The following ASPRV1 variants were observed in gnomAD, a reference collection of about 807,000 sequenced individuals.
ASPRV1 encodes retroviral-like aspartic protease 1.
A neutral mutation model predicts 11.0 loss-of-function variants in ASPRV1; 7 were observed. That is an observed-to-expected ratio of 0.64 (90% confidence interval 0.36 to 1.20). ASPRV1 has a LOEUF of 1.20. Among genes scored for constraint, ASPRV1 ranks in the 50% most tolerant of loss-of-function variants. The pLI is 0.02. For missense variants in ASPRV1, 299 were observed against 320.0 expected, an observed-to-expected ratio of 0.93 and a Z score of 0.50; for synonymous variants, 136 against 138.4, an observed-to-expected ratio of 0.98 and a Z score of 0.12.
the ASPRV1 span, among the ~76,000 whole-genome samples, chr2:69,972,664 C>T: frequency 6.6e-6 from 1 of 152,046 alleles, no homozygotes; most frequent in South Asian, 2.1e-4. Context: ...GCCTGCCGTC[C>T]TCTCGGTTTT....
chr2:70,036,703 T>C, the ASPRV1 span, among the ~76,000 whole-genome samples: 1 of 152,212 alleles, frequency 6.6e-6, no homozygotes, highest in Non-Finnish European at 1.5e-5. Context: ...GGACTCACTC[T>C]GTCACCCAGG....
rs150248741 is a variant in ASPRV1, at chr2:69,961,425, G to A, written c.12C>T (p.Ser4=). The A allele has an allele frequency of 3.5e-5, 57 of 1,614,036 alleles. No homozygotes were observed. The highest frequency in any genetic ancestry group is 1.6e-4 in the East Asian group (7 of 44,882). MAG[S]GARSEEGRRQ... ...GGCGGCCTTCCTCACTCCTGGCTCC[G>A]CTCCCGGCCATCCTGCTGCTCTCCT... The change falls in exon 1 of 1, where the codon AGC becomes AGT. Residue 4 remains serine, a synonymous_variant. Coordinates refer to ENST00000320256, the MANE Select transcript of ASPRV1 (RefSeq NM_152792.4).
chr2:69,935,801 A>G, the ASPRV1 span, among the ~76,000 whole-genome samples: 3 of 152,074 alleles, frequency 2.0e-5, no homozygotes, highest in Non-Finnish European at 2.9e-5. Flanking sequence ...CCCACTGTCT[A>G]CTGCAATAAA....
chr2:70,005,750 C>T, the ASPRV1 span, among the ~76,000 whole-genome samples: 15 of 152,304 alleles, frequency 9.8e-5, no homozygotes, highest in African/African-American at 3.6e-4. Flanking sequence ...CAATCTATCC[C>T]ACTACCCACC....
the ASPRV1 span, among the ~76,000 whole-genome samples, chr2:70,069,938 C>T: frequency 6.6e-6 from 1 of 152,056 alleles, no homozygotes; most frequent in Admixed American, 6.6e-5. Flanking sequence ...GTCTAAAAGG[C>T]TCATCAAGTG....
the ASPRV1 span, among the ~76,000 whole-genome samples, chr2:70,079,951 TTGTC>T: frequency 6.6e-6 from 1 of 152,194 alleles, no homozygotes; most frequent in Non-Finnish European, 1.5e-5. Flanking sequence ...AACAAATGCT[TTGTC>T]TGGTTGAAGT....
At chr2:70,057,139 T>C in the ASPRV1 span, among the ~76,000 whole-genome samples, 8 of 151,772 alleles carry the variant, frequency 5.3e-5, no homozygotes, top group Non-Finnish European at 1.0e-4. Flanking sequence ...TGGTGGCTCA[T>C]GCCTGTAATC....
chr2:69,955,290 G>A (rs935460535), downstream of ASPRV1, among the ~76,000 whole-genome samples: 2 of 152,202 alleles, frequency 1.3e-5, no homozygotes, highest in South Asian at 2.1e-4. Context: ...ATGGCCTTCA[G>A]TCTATGACTC....
chr2:69,936,292 G>A, the ASPRV1 span, among the ~76,000 whole-genome samples: 2 of 152,066 alleles, frequency 1.3e-5, no homozygotes, highest in Non-Finnish European at 2.9e-5. Flanking sequence ...AGTGGTTTGT[G>A]TGACCATTGT....
the ASPRV1 span, among the ~76,000 whole-genome samples, chr2:70,075,881 G>T: frequency 6.6e-6 from 1 of 152,056 alleles, no homozygotes; most frequent in South Asian, 2.1e-4. Context: ...TTCTCAATGT[G>T]TATGCTGTTC....
chr2:69,996,693 TAACTGGTTGATGTC>T, the ASPRV1 span: 3 of 456,506 alleles, frequency 6.6e-6, no homozygotes, highest in Admixed American at 4.7e-5. Context: ...TACCAAATAG[TAACTGGTTGATGTC>T]AAGGGTCCAA....
chr2:69,977,418 C>CCCCACCATTCTGTAAGTTGTGTA, the ASPRV1 span, among the ~76,000 whole-genome samples: 2 of 152,162 alleles, frequency 1.3e-5, no homozygotes, highest in African/African-American at 4.8e-5. Flanking sequence ...TTCCTGCTTC[C>CCCCACCATTCTGTAAGTTGTGTA]CCCACCATTC....
At chr2:69,943,313 T>G in the ASPRV1 span, among the ~76,000 whole-genome samples, 1 of 152,336 alleles carries the variant, frequency 6.6e-6, no homozygotes, top group East Asian at 1.9e-4. Flanking sequence ...GGGAAAGATA[T>G]GCACACAATT....
the ASPRV1 span, among the ~76,000 whole-genome samples, chr2:69,934,089 G>A: frequency 6.6e-6 from 1 of 152,202 alleles, no homozygotes. Context: ...GTGTGTTTGA[G>A]GCACGGTGAC....
At chr2:70,022,057 C>G in the ASPRV1 span, among the ~76,000 whole-genome samples, 1 of 151,198 alleles carries the variant, frequency 6.6e-6, no homozygotes, top group African/African-American at 2.4e-5. Context: ...CTCTGTCACC[C>G]AAGCTGGAGT....
chr2:69,935,412 T>C, the ASPRV1 span: 1 of 1,614,138 alleles, frequency 6.2e-7, no homozygotes, highest in Non-Finnish European at 8.5e-7. Context: ...TGGACCCGAA[T>C]CAAGTCGACA....
the ASPRV1 span, among the ~76,000 whole-genome samples, chr2:70,004,262 T>C: frequency 6.6e-6 from 1 of 152,106 alleles, no homozygotes; most frequent in Non-Finnish European, 1.5e-5. Flanking sequence ...CCAGGCGCGG[T>C]GGCTCATGCC....
the ASPRV1 span, among the ~76,000 whole-genome samples, chr2:70,037,733 CT>C: frequency 6.6e-6 from 1 of 151,586 alleles, no homozygotes; most frequent in South Asian, 2.1e-4. Context: ...TATGCTGTTA[CT>C]TTTTTTTAGC....
chr2:70,042,513 CAA>C, the ASPRV1 span, among the ~76,000 whole-genome samples: 3 of 152,140 alleles, frequency 2.0e-5, no homozygotes, highest in Admixed American at 1.3e-4. Context: ...AGGAACAAGA[CAA>C]AGTTTGTACT....
Sources: allele counts gnomAD v4.1 joint callset (sites outside exome capture counted in the v4.1 genomes callset), GRCh38; gene constraint gnomAD v4.1.1; transcripts MANE v1.5; gene names NCBI Gene and HGNC (gene_info 2026-07-23, HGNC 2026-07-21).